PDE6B: variants seen among roughly 807,000 people sequenced by gnomAD.
The protein encoded by PDE6B is rod cGMP-specific 3',5'-cyclic phosphodiesterase subunit beta.
A neutral mutation model predicts 109.0 loss-of-function variants in PDE6B; 106 were observed. The ratio of observed to expected loss-of-function variants is 0.97; its 90% CI spans 0.83 to 1.14. The LOEUF is 1.14. PDE6B is among the 50% of genes most tolerant of loss of function. The pLI, the probability that PDE6B is intolerant of heterozygous loss-of-function variation, is 0.00. For synonymous variants in PDE6B, 490 were observed against 471.3 expected (o/e 1.04, Z -0.51); for missense variants, 1,193 against 1,155.6 (o/e 1.03, Z -0.47).
rs367950333 is a variant in PDE6B, at chr4:664,220, A to G, written c.2128A>G (p.Met710Val). The G allele has an allele frequency of 1.9e-6, 3 of 1,569,414 alleles. No individual in the cohort carries two copies. Among genetic ancestry groups the G allele is most frequent in the Non-Finnish European group, 2.6e-6 (3 of 1,139,758 alleles). ...GGAGACGACCCGGAAGGAGATCGTCATGTGAGCGCGGGCGGAGGGGGCACG... is the reference window on the plus strand; with the variant it reads ...GGAGACGACCCGGAAGGAGATCGTCGTGTGAGCGCGGGCGGAGGGGGCACG... ...SLETTRKEIV[M>V]AMMMTACDLS... The change falls in exon 17 of 22, where the codon ATG (methionine) becomes GTG (valine). Residue 710 changes from methionine to valine, a missense_variant and splice_region_variant. Coordinates refer to ENST00000496514, the MANE Select transcript of PDE6B (RefSeq NM_000283.4).
chr4:651,368 G>A (rs1050686232), intron 3 of PDE6B, among the ~76,000 whole-genome samples: 1 of 152,158 alleles, frequency 6.6e-6, no homozygotes, highest in African/African-American at 2.4e-5. Context: ...CCTCAGGGGG[G>A]GCCTCCTGGA....
rs1308287514 is a variant in PDE6B at position 626,836 on chromosome 4, G to A, written c.468+742G>A. On this transcript the variant is annotated intron_variant, in intron 1 of 21. Coordinates refer to ENST00000496514, the MANE Select transcript of PDE6B (RefSeq NM_000283.4). This position sits in a 1 kb window ranked among gnomAD's most constrained non-coding sequence, Gnocchi z 4.6. ...GGCGGGACTGGAGAACAAGAGGGGT[G>A]TGAGGTGCCTGCCAGACTGGGTGAG... is the stretch of plus-strand genomic sequence containing the variant. Among the ~76,000 whole-genome samples, 3 of 152,230 alleles carry A rather than the reference G, an allele frequency of 2.0e-5. No individual in the cohort carries two copies. The East Asian group carries it at 5.8e-4, about 29-fold the overall frequency.
In PDE6B at chr4:633,424, G is replaced by A. The variant is rs1734487502; in HGVS notation, c.469-1253G>A. Among the ~76,000 whole-genome samples the A allele has an allele frequency of 6.6e-6, 1 of 152,200 alleles. No homozygotes were observed. Reference sequence around the variant, plus strand: ...GAAATGAGGAGCAGGAAGGGTGGGTGCCATTTAGGAGCACGCTAGCACCTC... The same window carrying A: ...GAAATGAGGAGCAGGAAGGGTGGGTACCATTTAGGAGCACGCTAGCACCTC... On this transcript the variant is annotated intron_variant, in intron 1 of 21. Transcript: ENST00000496514. The surrounding 1 kb of genome is among the most constrained non-coding windows in gnomAD (Gnocchi z 4.5).
chr4:652,413 C>T lies in PDE6B; in HGVS notation c.712-1439C>T, dbSNP rs903280348. The stretch of plus-strand genomic sequence containing the variant: ...GAGTGGAAAGGGGGTTGCAGGAGGC[C>T]GGGGCAGGAAGAGAGATAGAGAAAG... On this transcript the variant is annotated intron_variant, in intron 3 of 21. Transcript: ENST00000496514. The T allele has an allele frequency of 5.9e-6, 4 of 681,566 alleles. No homozygotes were observed. In the African/African-American group the frequency reaches 7.8e-5, roughly 13 times the overall value. 42.2% of individuals were successfully genotyped at this position (681,566 alleles called of 1,614,324 possible). A position where few individuals can be genotyped will look rare whatever the true frequency, so the allele number is the denominator to read the frequency against.
chr4:653,720 C>T, intron 3 of PDE6B, 132 bp from the exon 4 acceptor site: 1 of 1,026,660 alleles, frequency 9.7e-7, no homozygotes, highest in Non-Finnish European at 1.5e-6. Context: ...CTGTGCCAGG[C>T]TCCACGGCTG....
At chr4:641,298 A>G (rs149650903) in intron 3 of PDE6B, among the ~76,000 whole-genome samples, 1 of 152,168 alleles carries the variant, frequency 6.6e-6, no homozygotes, top group Non-Finnish European at 1.5e-5. Flanking sequence ...AATGTAAGAG[A>G]TATTGGGTTC....
At chr4:660,663 CATGGGGGTGGGG>C in intron 12 of PDE6B, 50 bp downstream of exon 12, 4 of 1,556,254 alleles carry the variant, frequency 2.6e-6, no homozygotes, top group South Asian at 2.2e-5. Flanking sequence ...CCGCCCAGGA[CATGGGGGTGGGG>C]ATGTGATCAG....
Position 625,706 on chromosome 4 carries a change from T to C in PDE6B, c.80T>C (p.Leu27Pro). The change falls in exon 1 of 22, where the codon CTG becomes CCG. Residue 27 changes from leucine to proline, a missense_variant. Coordinates refer to ENST00000496514, the MANE Select transcript of PDE6B (RefSeq NM_000283.4). The surrounding 1 kb of genome is among the most constrained non-coding windows in gnomAD (Gnocchi z 5.0). ...GCCCGCCAGTACTTTGGGAAGAAAC[T>C]GAGCCCTGAGAATGTGGCCGCGGCC... ...DFARQYFGKK[L>P]SPENVAAACE... 6.2e-7 allele frequency: 1 copy of C among 1,613,898 alleles called. No homozygotes were observed. The highest frequency in any genetic ancestry group is 8.5e-7 in the Non-Finnish European group (1 of 1,180,004).
At chr4:656,785 G>A (rs2109213599) in intron 8 of PDE6B, 89 bp from the exon 9 acceptor site, 1 of 1,240,058 alleles carries the variant, frequency 8.1e-7, no homozygotes, top group Non-Finnish European at 1.2e-6. Context: ...GGCTCTAGGG[G>A]AGAAGACATG....
rs10024023 is a variant in PDE6B, at chr4:653,547, G to A, written c.712-305G>A. 9.4e-3 allele frequency: 4,804 copies of A among 513,576 alleles called. 186 individuals are homozygous for A. Among genetic ancestry groups the A allele is most frequent in the African/African-American group, 0.085 (4,424 of 51,978 alleles). The allele number at this position is 513,576 out of a possible 1,614,324, so 31.8% of individuals were successfully genotyped here. ...GAGCAGCCGGGCGGAGGAAGGGCTG[G>A]TCGGATGTTTGCCTGTCAAGCTCAA... On this transcript the variant is annotated intron_variant, in intron 3 of 21. Transcript: ENST00000496514.
Position 666,672 on chromosome 4 carries a change from G to T in PDE6B, c.2352+58G>T, listed in dbSNP as rs1283726954. The T allele has an allele frequency of 2.3e-5, 27 of 1,182,390 alleles. No homozygotes were observed. The highest frequency in any genetic ancestry group is 3.2e-5 in the Non-Finnish European group (25 of 787,518). The allele number at this position is 1,182,390 out of a possible 1,614,324, so 73.2% of individuals were successfully genotyped here. A position where few individuals can be genotyped will look rare whatever the true frequency, so the allele number is the denominator to read the frequency against. On this transcript the variant is annotated intron_variant, in intron 20 of 21. Coordinates refer to ENST00000496514, the MANE Select transcript of PDE6B (RefSeq NM_000283.4). This position sits in a 1 kb window ranked among gnomAD's most constrained non-coding sequence, Gnocchi z 5.6. ...GGGCAGGGTGGCTGGGAGCAGGCAA[G>T]GGGGCGCGGGCTGGAGTCGCGTGGA...
At position 663,830 on chromosome 4, in the gene PDE6B, G is replaced by A; in HGVS notation, c.1981G>A (p.Asp661Asn). ...GCACGAGCACGTGATCCACCTGATG[G>A]ACATCGCCATCATCGCCACGGACCT... is the stretch of plus-strand genomic sequence containing the variant. ...RQHEHVIHLM[D>N]IAIIATDLAL... The change falls in exon 16 of 22, where the codon GAC (aspartate) becomes AAC (asparagine). Residue 661 changes from aspartate to asparagine, a missense_variant. Transcript: ENST00000496514. The surrounding 1 kb of genome is among the most constrained non-coding windows in gnomAD (Gnocchi z 4.0). 2 of 1,612,556 alleles carry A rather than the reference G, an allele frequency of 1.2e-6. No homozygotes were observed. The highest frequency in any genetic ancestry group is 8.5e-7 in the Non-Finnish European group (1 of 1,179,548).
chr4:658,552 C>T (rs936739963), intron 10 of PDE6B, among the ~76,000 whole-genome samples: 1 of 152,022 alleles, frequency 6.6e-6, no homozygotes, highest in African/African-American at 2.4e-5. Flanking sequence ...TCACAGCTCT[C>T]TCTGTGTGGT....
chr4:640,540 G>GA (rs1734899054), intron 3 of PDE6B, among the ~76,000 whole-genome samples: 1 of 151,518 alleles, frequency 6.6e-6, no homozygotes, highest in Non-Finnish European at 1.5e-5. Flanking sequence ...CTCCATCTTG[G>GA]GAAAAAAAAA....
At chr4:642,896 A>G (rs535505706) in intron 3 of PDE6B, among the ~76,000 whole-genome samples, 1 of 152,214 alleles carries the variant, frequency 6.6e-6, no homozygotes, top group Admixed American at 6.5e-5. Context: ...AACATCATGT[A>G]TTTTTTGAAC....
At position 665,196 on chromosome 4, in the gene PDE6B, C is replaced by A; in HGVS notation, c.2194-59C>A. On this transcript the variant is annotated intron_variant, in intron 18 of 21. Transcript: ENST00000496514. This position sits in a 1 kb window ranked among gnomAD's most constrained non-coding sequence, Gnocchi z 4.0. The stretch of plus-strand genomic sequence containing the variant: ...GAGGCTCGGAGCCTCACGGGGCGGG[C>A]CCGGGCCCTTCCGCGTGGGCTCAGA... 7.7e-7 allele frequency: 1 copy of A among 1,293,250 alleles called. No homozygotes were observed. Among genetic ancestry groups the A allele is most frequent in the Non-Finnish European group, 1.1e-6 (1 of 901,562 alleles). The allele number at this position is 1,293,250 out of a possible 1,614,324, so 80.1% of individuals were successfully genotyped here. A position where few individuals can be genotyped will look rare whatever the true frequency, so the allele number is the denominator to read the frequency against.
chr4:647,066 C>G (rs1481922554), intron 3 of PDE6B, among the ~76,000 whole-genome samples: 3 of 151,898 alleles, frequency 2.0e-5, no homozygotes, highest in African/African-American at 7.3e-5. Context: ...CCATGTTGGC[C>G]AGGCTGGTCT....
intron 9 of PDE6B, 83 bp from the exon 10 acceptor site, chr4:657,268 G>C: frequency 6.5e-7 from 1 of 1,531,596 alleles, no homozygotes; most frequent in Non-Finnish European, 9.0e-7. Context: ...CCTGCCCGCC[G>C]AGCCACGGGG....
intron 3 of PDE6B, among the ~76,000 whole-genome samples, chr4:649,245 A>G (rs972988572): frequency 2.6e-5 from 4 of 152,190 alleles, no homozygotes; most frequent in African/African-American, 9.7e-5. Flanking sequence ...TAATTGACAT[A>G]ATGGCCATGA....
Sources: allele counts gnomAD v4.1 joint callset (sites outside exome capture counted in the v4.1 genomes callset), GRCh38; gene constraint gnomAD v4.1.1; non-coding constraint Gnocchi (gnomAD v3.1); transcripts MANE v1.5; gene names NCBI Gene and HGNC (gene_info 2026-07-23, HGNC 2026-07-21).